The following ARHGAP10 variants were observed in gnomAD, a reference collection of about 807,000 sequenced individuals.
ARHGAP10 encodes rho GTPase-activating protein 10.
ARHGAP10 carries 87 observed loss-of-function variants against 108.6 expected under a neutral mutation model. The observed-to-expected ratio is 0.80, with a 90% CI of 0.67 to 0.96. The LOEUF (loss-of-function observed/expected upper bound fraction) is 0.96, where lower values mean the gene tolerates loss of function less well. ARHGAP10 is among the 40% of genes least tolerant of loss of function. ARHGAP10 has a pLI of 0.00. For synonymous variants in ARHGAP10, 347 were observed against 341.1 expected, an observed-to-expected ratio of 1.02 and a Z score of -0.19; for missense variants, 939 against 954.5, an observed-to-expected ratio of 0.98 and a Z score of 0.21.
In ARHGAP10 at chr4:147,964,614, A is replaced by T. The variant is rs542170173; in HGVS notation, c.1451-410A>T. Among the ~76,000 whole-genome samples, 14 of 152,300 alleles carry T rather than the reference A, an allele frequency of 9.2e-5. No individual in the cohort carries two copies. The South Asian group carries it at 2.9e-3, about 32-fold the overall frequency. On this transcript the variant is annotated intron_variant, in intron 16 of 22. Coordinates refer to ENST00000336498, the MANE Select transcript of ARHGAP10 (RefSeq NM_024605.4). ...TTTTTTGAGGGGGTTATCCTGTTCA[A>T]CCTGTAACATGCAATAGCCTATTTG...
In ARHGAP10 at chr4:147,936,561, CCTCATGATCCACCCG is replaced by C. The variant is rs1218527176; in HGVS notation, c.1229-3262_1229-3248del. ...AGCCAGGATGGTCTCGATCTCCTGA[CCTCATGATCCACCCG>C]CCTCGGCCTCCCAAAGTGCTGGGAT... On this transcript the variant is annotated intron_variant, in intron 13 of 22. Coordinates refer to ENST00000336498, the MANE Select transcript of ARHGAP10 (RefSeq NM_024605.4). Among the ~76,000 whole-genome samples the C allele has an allele frequency of 2.0e-5, 3 of 151,822 alleles. No homozygotes were observed. In the East Asian group the frequency reaches 5.8e-4, roughly 29 times the overall value.
chr4:147,876,393 C>T (rs1466722162), intron 8 of ARHGAP10, among the ~76,000 whole-genome samples: 1 of 152,086 alleles, frequency 6.6e-6, no homozygotes, highest in Non-Finnish European at 1.5e-5. Flanking sequence ...GAGATCGAGA[C>T]CATCCTGGCT....
chr4:147,879,363 T>C (rs568442934), intron 9 of ARHGAP10, 25 bp downstream of exon 9: 10 of 1,592,700 alleles, frequency 6.3e-6, no homozygotes, highest in Admixed American at 1.7e-5. Flanking sequence ...CAACATAGAA[T>C]AGATTATAAT....
At chr4:147,953,639 CTCTTT>C (rs57521374) in intron 15 of ARHGAP10, among the ~76,000 whole-genome samples, 117,662 of 151,322 alleles carry the variant, frequency 0.78, 49,111 homozygotes, top group Non-Finnish European at 0.93. Flanking sequence ...TTTGTTTTCT[CTCTTT>C]TATTTCCTAA....
chr4:147,840,008 A>G (rs1210832418), intron 3 of ARHGAP10, among the ~76,000 whole-genome samples: 4 of 152,204 alleles, frequency 2.6e-5, no homozygotes, highest in Non-Finnish European at 5.9e-5. Flanking sequence ...ATGGAAATGT[A>G]CTTTGTACTT....
intron 1 of ARHGAP10, among the ~76,000 whole-genome samples, chr4:147,793,932 G>C (rs1731219913): frequency 6.6e-6 from 1 of 152,202 alleles, no homozygotes; most frequent in Non-Finnish European, 1.5e-5. Flanking sequence ...ATAAAGTGTA[G>C]AAGGGACATT....
At chr4:147,954,124 A>G (rs189439444) in intron 15 of ARHGAP10, among the ~76,000 whole-genome samples, 1 of 152,100 alleles carries the variant, frequency 6.6e-6, no homozygotes, top group African/African-American at 2.4e-5. Context: ...AATATGGTTA[A>G]TCTTGGAAAA....
chr4:147,734,443 T>C (rs1272512761), intron 1 of ARHGAP10, among the ~76,000 whole-genome samples: 1 of 152,218 alleles, frequency 6.6e-6, no homozygotes, highest in East Asian at 1.9e-4. Context: ...TTGAGAGTAA[T>C]TGGGAAGTGT....
intron 13 of ARHGAP10, among the ~76,000 whole-genome samples, chr4:147,939,145 T>C (rs1209310602): frequency 6.6e-6 from 1 of 152,238 alleles, no homozygotes; most frequent in Non-Finnish European, 1.5e-5. Context: ...CAGATCAGAA[T>C]GCAAATGATA....
chr4:148,003,417 G>A (rs952202182), intron 18 of ARHGAP10, among the ~76,000 whole-genome samples: 2 of 152,310 alleles, frequency 1.3e-5, no homozygotes, highest in African/African-American at 2.4e-5. Flanking sequence ...GAGTTCTGTG[G>A]ATGTCTATTA....
At chr4:147,917,661 A>C (rs1476273160) in intron 13 of ARHGAP10, among the ~76,000 whole-genome samples, 1 of 152,224 alleles carries the variant, frequency 6.6e-6, no homozygotes, top group African/African-American at 2.4e-5. Context: ...ATATTATCTT[A>C]TTCTAGATTA....
rs1184010805 is a variant in ARHGAP10, at chr4:147,822,932, A to C, written c.287A>C (p.Asn96Thr). ...CGTGAATTTTCAAATTTTTTGAAGAATCTGGAGGAACAGAGAGAAATTATG... is the reference window on the plus strand; with the variant it reads ...CGTGAATTTTCAAATTTTTTGAAGACTCTGGAGGAACAGAGAGAAATTATG... ...SLREFSNFLK[N>T]LEEQREIMAL... is the part of the protein sequence containing the mutation. Residue 96 changes from asparagine to threonine, a missense_variant, in exon 3 of 23, where the codon AAT becomes ACT. Coordinates refer to ENST00000336498, the MANE Select transcript of ARHGAP10 (RefSeq NM_024605.4). 3 of 1,613,726 alleles carry C rather than the reference A, an allele frequency of 1.9e-6. No homozygotes were observed. Among genetic ancestry groups the C allele is most frequent in the Non-Finnish European group, 2.5e-6 (3 of 1,179,732 alleles).
intron 19 of ARHGAP10, among the ~76,000 whole-genome samples, chr4:148,027,893 G>C (rs1364276842): frequency 6.6e-6 from 1 of 151,980 alleles, no homozygotes; most frequent in African/African-American, 2.4e-5. Flanking sequence ...TAGCCATTTG[G>C]AAGTTTTTTT....
At chr4:147,818,293 C>A (rs917858263) in intron 1 of ARHGAP10, among the ~76,000 whole-genome samples, 2 of 151,840 alleles carry the variant, frequency 1.3e-5, no homozygotes, top group South Asian at 4.1e-4. Flanking sequence ...AGGCTGGGCG[C>A]GGTGGCTCAC....
intron 18 of ARHGAP10, among the ~76,000 whole-genome samples, chr4:148,014,779 G>T (rs533034833): frequency 6.6e-6 from 1 of 152,188 alleles, no homozygotes; most frequent in Non-Finnish European, 1.5e-5. Flanking sequence ...ACTATTTAGC[G>T]TATAGAGTGC....
chr4:147,984,127 T>C (rs1047183437), intron 18 of ARHGAP10, among the ~76,000 whole-genome samples: 1 of 152,104 alleles, frequency 6.6e-6, no homozygotes. Context: ...TTGTTGCTTG[T>C]AGGGGTGTAA....
At chr4:147,996,445 G>A (rs1198506193) in intron 18 of ARHGAP10, among the ~76,000 whole-genome samples, 1 of 152,162 alleles carries the variant, frequency 6.6e-6, no homozygotes, top group African/African-American at 2.4e-5. Flanking sequence ...TGTCCATCTT[G>A]TGCCTTGAGA....
At chr4:147,927,572 A>G (rs1228175977) in intron 13 of ARHGAP10, among the ~76,000 whole-genome samples, 1 of 152,206 alleles carries the variant, frequency 6.6e-6, no homozygotes. Flanking sequence ...GCTCAGTTGC[A>G]CATGTGGTAT....
At chr4:147,816,942 C>T (rs1287679846) in intron 1 of ARHGAP10, among the ~76,000 whole-genome samples, 3 of 152,020 alleles carry the variant, frequency 2.0e-5, no homozygotes, top group Admixed American at 6.6e-5. Context: ...AATTTTGGTG[C>T]GTGTTTTGAT....
Sources: allele counts gnomAD v4.1 joint callset (sites outside exome capture counted in the v4.1 genomes callset), GRCh38; gene constraint gnomAD v4.1.1; transcripts MANE v1.5; gene names NCBI Gene and HGNC (gene_info 2026-07-23, HGNC 2026-07-21).